FHOD3: variants seen among roughly 807,000 people sequenced by gnomAD.
FHOD3 encodes the protein FH1/FH2 domain-containing protein 3.
In FHOD3, 90 loss-of-function variants were observed where a neutral mutation model predicts 173.0. The ratio of observed to expected loss-of-function variants is 0.52; its 90% confidence interval spans 0.44 to 0.62. The LOEUF (loss-of-function observed/expected upper bound fraction) is 0.62, where lower values mean the gene tolerates loss of function less well. FHOD3 is among the 20% of genes least tolerant of loss of function. The pLI is 0.00. For missense variants in FHOD3, 1,945 were observed against 2,034.7 expected (o/e 0.96, Z 0.85); for synonymous variants, 828 against 823.0 (o/e 1.01, Z -0.10).
intron 3 of FHOD3, among the ~76,000 whole-genome samples, chr18:36,498,805 C>T (rs1305666233): frequency 1.3e-5 from 2 of 152,126 alleles, no homozygotes; most frequent in Non-Finnish European, 2.9e-5. Context: ...AAATTTTCAA[C>T]AAAATATTAG....
chr18:36,460,417 T>G (rs1013546790), intron 3 of FHOD3, among the ~76,000 whole-genome samples: 3 of 152,218 alleles, frequency 2.0e-5, no homozygotes, highest in Non-Finnish European at 4.4e-5. Flanking sequence ...TAATGCTATT[T>G]CAAGCAGGGG....
chr18:36,326,234 C>T (rs1314600264), intron 1 of FHOD3, among the ~76,000 whole-genome samples: 4 of 152,214 alleles, frequency 2.6e-5, no homozygotes, highest in Admixed American at 2.0e-4. Flanking sequence ...TCAAATATGC[C>T]TGCCAGTGGC....
At chr18:36,532,725 C>T (rs1029437025) in intron 5 of FHOD3, among the ~76,000 whole-genome samples, 3 of 152,200 alleles carry the variant, frequency 2.0e-5, no homozygotes, top group African/African-American at 7.2e-5. Flanking sequence ...CCGGGTCCCA[C>T]CCACACCTGG....
chr18:36,439,056 G>T (rs2050976331), intron 3 of FHOD3, among the ~76,000 whole-genome samples: 1 of 152,172 alleles, frequency 6.6e-6, no homozygotes, highest in African/African-American at 2.4e-5. Flanking sequence ...GGACGAGAAA[G>T]AATGTGAAAG....
intron 16 of FHOD3, among the ~76,000 whole-genome samples, chr18:36,688,511 T>G (rs374150240): frequency 6.6e-6 from 1 of 152,234 alleles, no homozygotes; most frequent in African/African-American, 2.4e-5. Context: ...CAGTTGTGGC[T>G]GGCAAATCTA....
At chr18:36,308,750 A>G (rs1175339585) in intron 1 of FHOD3, among the ~76,000 whole-genome samples, 1 of 152,190 alleles carries the variant, frequency 6.6e-6, no homozygotes, top group Non-Finnish European at 1.5e-5. Context: ...AGGGTCTGTT[A>G]CATAGTAAGC....
intron 3 of FHOD3, among the ~76,000 whole-genome samples, chr18:36,487,435 C>A (rs189507306): frequency 6.6e-6 from 1 of 152,202 alleles, no homozygotes; most frequent in African/African-American, 2.4e-5. Context: ...CCCTGCTGGG[C>A]CCCTGAGCCT....
Position 36,600,252 on chromosome 18 carries a change from AACACACACAC to A in FHOD3, c.719-2394_719-2385del, listed in dbSNP as rs67473480. 4.0e-3 allele frequency among the ~76,000 whole-genome samples: 574 copies of A among 143,172 alleles called. 3 individuals carry two copies. Among genetic ancestry groups the A allele is most frequent in the Middle Eastern group, 0.014 (4 of 284 alleles). 93.9% of individuals were successfully genotyped at this position (143,172 alleles called of 152,430 possible). Reference sequence around the variant, plus strand: ...CCAGTACAGGAACCCTCTCCTCTGCAACACACACACACACACACACACACACACACACACA... The same window carrying A: ...CCAGTACAGGAACCCTCTCCTCTGCAACACACACACACACACACACACACA... On this transcript the variant is annotated intron_variant, in intron 7 of 28. Coordinates refer to ENST00000590592, the MANE Select transcript of FHOD3 (RefSeq NM_001281740.3).
At chr18:36,711,403 T>G (rs1164101367) in intron 18 of FHOD3, 1 of 152,246 alleles carries the variant, frequency 6.6e-6, no homozygotes, top group Non-Finnish European at 1.5e-5. Flanking sequence ...TTTTCTTTGT[T>G]TAATGTGTTC....
At chr18:36,602,067 A>G (rs1421036120) in intron 7 of FHOD3, among the ~76,000 whole-genome samples, 1 of 152,198 alleles carries the variant, frequency 6.6e-6, no homozygotes, top group African/African-American at 2.4e-5. Context: ...ATTGCTCTGT[A>G]CTGGTGTCTG....
At chr18:36,709,783 T>G in intron 18 of FHOD3, 1 of 173,092 alleles carries the variant, frequency 5.8e-6, no homozygotes. Context: ...GATATAAGTT[T>G]AGAAACTGTC....
At chr18:36,567,056 C>G (rs2058291255) in intron 5 of FHOD3, among the ~76,000 whole-genome samples, 1 of 152,104 alleles carries the variant, frequency 6.6e-6, no homozygotes, top group South Asian at 2.1e-4. Context: ...ATTGTCTAGC[C>G]TGGGTGACTG....
At chr18:36,457,389 T>C (rs1004889669) in intron 3 of FHOD3, among the ~76,000 whole-genome samples, 12 of 152,102 alleles carry the variant, frequency 7.9e-5, no homozygotes, top group African/African-American at 2.9e-4. Flanking sequence ...TCAGCATTGG[T>C]GGATTGTTCA....
intron 4 of FHOD3, among the ~76,000 whole-genome samples, chr18:36,511,620 A>C (rs1327662489): frequency 6.6e-6 from 1 of 152,136 alleles, no homozygotes; most frequent in African/African-American, 2.4e-5. Context: ...GCTCTTCAGA[A>C]TCACCTGCTT....
At chr18:36,706,398 A>G (rs1303947882) in intron 17 of FHOD3, among the ~76,000 whole-genome samples, 2 of 152,220 alleles carry the variant, frequency 1.3e-5, no homozygotes, top group Admixed American at 6.5e-5. Context: ...CCCAGCAGTC[A>G]TGAAAAAAAG....
intron 3 of FHOD3, among the ~76,000 whole-genome samples, chr18:36,437,645 A>G (rs1362393907): frequency 3.1e-5 from 4 of 128,976 alleles, no homozygotes; most frequent in Non-Finnish European, 6.8e-5. Flanking sequence ...CACTGCATTG[A>G]GCTTCTGGTT....
chr18:36,767,463 A>T lies in FHOD3; in HGVS notation c.4625-1802A>T, dbSNP rs575564582. 2.0e-5 allele frequency among the ~76,000 whole-genome samples: 3 copies of T among 152,124 alleles called. No individual in the cohort carries two copies. The South Asian group carries it at 6.2e-4, about 32-fold the overall frequency. On this transcript the variant is annotated intron_variant, in intron 27 of 28. Transcript: ENST00000590592. ...GCCTCCTGAGTAGCTGGGACTATAG[A>T]TGCACACCACCATGCTTGACTAATT...
intron 20 of FHOD3, among the ~76,000 whole-genome samples, chr18:36,732,370 T>A (rs1232096236): frequency 6.6e-6 from 1 of 152,158 alleles, no homozygotes; most frequent in African/African-American, 2.4e-5. Context: ...AAGGCTCAAG[T>A]AGCTCTACTC....
chr18:36,599,777 G>A (rs1412750472), intron 7 of FHOD3, among the ~76,000 whole-genome samples: 5 of 152,204 alleles, frequency 3.3e-5, no homozygotes, highest in East Asian at 1.9e-4. Flanking sequence ...GGTAAACTGG[G>A]TATCTCCACC....
Sources: gnomAD v4.1 joint callset for allele counts (sites outside exome capture counted in the v4.1 genomes callset) on GRCh38, gnomAD v4.1.1 for gene constraint, MANE v1.5 for transcripts, NCBI Gene and HGNC (gene_info 2026-07-23, HGNC 2026-07-21) for gene names.